Variants in BRAP observed in about 807,000 individuals in gnomAD.
BRAP encodes BRCA1 associated protein.
In BRAP, 42 loss-of-function variants were observed where a neutral mutation model predicts 73.4. That is an observed-to-expected ratio of 0.57 (90% CI 0.45 to 0.74). The LOEUF is 0.74. Among genes scored for constraint, BRAP ranks in the 30% least tolerant of loss-of-function variants. BRAP has a pLI of 0.00. For synonymous variants in BRAP, 255 were observed against 267.4 expected, an observed-to-expected ratio of 0.95 and a Z score of 0.45; for missense variants, 593 against 751.4, an observed-to-expected ratio of 0.79 and a Z score of 2.46.
intron 10 of BRAP, among the ~76,000 whole-genome samples, chr12:111,651,773 G>A (rs998106102): frequency 6.6e-6 from 1 of 150,814 alleles, no homozygotes; most frequent in East Asian, 2.0e-4. Flanking sequence ...GAGCAGCTGG[G>A]ACTACAGGTG....
chr12:111,666,325 A>G (rs1340132020), intron 5 of BRAP, among the ~76,000 whole-genome samples: 1 of 152,248 alleles, frequency 6.6e-6, no homozygotes, highest in East Asian at 1.9e-4. Context: ...CGACTATAAT[A>G]GAACACAAAG....
intron 4 of BRAP, among the ~76,000 whole-genome samples, chr12:111,678,633 G>C (rs535355350): frequency 3.0e-4 from 46 of 151,812 alleles, no homozygotes; most frequent in Non-Finnish European, 6.6e-4. Context: ...CTCCAGCCTG[G>C]GCGACAGAGC....
In BRAP at chr12:111,659,075, GGAAACT is replaced by G. The variant is rs540191620; in HGVS notation, c.1111+126_1111+131del. ...ATTCCTAGAAAAATAGTGCCCTCAG[GGAAACT>G]GAGAATTTGGGTTTGCAACAGCTGT... On this transcript the variant is annotated intron_variant, in intron 8 of 11. Coordinates refer to ENST00000419234, the MANE Select transcript of BRAP (RefSeq NM_006768.5). 720 of 1,153,918 alleles carry G rather than the reference GGAAACT, an allele frequency of 6.2e-4. 1 individual carries two copies. The highest frequency in any genetic ancestry group is 8.1e-4 in the Non-Finnish European group (670 of 824,706). The allele number at this position is 1,153,918 out of a possible 1,614,324, so 71.5% of individuals were successfully genotyped here. A position where few individuals can be genotyped will look rare whatever the true frequency, so the allele number is the denominator to read the frequency against.
chr12:111,670,569 C>G (rs896427156), intron 5 of BRAP, among the ~76,000 whole-genome samples: 1 of 152,212 alleles, frequency 6.6e-6, no homozygotes, highest in Non-Finnish European at 1.5e-5. Context: ...TCTCAGCTCA[C>G]TGCAACCTCG....
intron 8 of BRAP, 70 bp from the exon 9 acceptor site, chr12:111,658,915 CA>C: frequency 8.0e-7 from 1 of 1,253,352 alleles, no homozygotes; most frequent in Non-Finnish European, 1.1e-6. Context: ...TTAACTCTGA[CA>C]AAATTTTTTT....
intron 11 of BRAP, 133 bp from the exon 12 acceptor site, chr12:111,644,695 G>A (rs1486035860): frequency 2.2e-6 from 3 of 1,378,396 alleles, no homozygotes; most frequent in Non-Finnish European, 2.9e-6. Flanking sequence ...CCATCGTGAG[G>A]GAGAATGGTT....
Position 111,667,698 on chromosome 12 carries a change from C to CAAAAAAAAAAA in BRAP, c.748-1922_748-1912dup, listed in dbSNP as rs565349424. Among the ~76,000 whole-genome samples, 7 of 21,288 alleles carry CAAAAAAAAAAA rather than the reference C, an allele frequency of 3.3e-4. 1 individual carries two copies. Among genetic ancestry groups the CAAAAAAAAAAA allele is most frequent in the South Asian group, 6.8e-3 (2 of 296 alleles). The allele number at this position is 21,288 out of a possible 152,430, so 14.0% of individuals were successfully genotyped here. A position where few individuals can be genotyped will look rare whatever the true frequency, so the allele number is the denominator to read the frequency against. On this transcript the variant is annotated intron_variant, in intron 5 of 11. Transcript: ENST00000419234. ...TGGGAGACAGAGTGAAACTCCGTCTCAAAAAAAAAAAAAAAAAAAAAAAGC... is the reference window on the plus strand; with the variant it reads ...TGGGAGACAGAGTGAAACTCCGTCTCAAAAAAAAAAAAAAAAAAAAAAAAAAAAAAAAAAGC...
At chr12:111,647,647 T>C (rs1886156575) in intron 11 of BRAP, among the ~76,000 whole-genome samples, 1 of 152,168 alleles carries the variant, frequency 6.6e-6, no homozygotes, top group Non-Finnish European at 1.5e-5. Flanking sequence ...GGCTCACGCC[T>C]GTAAAACCAG....
In BRAP at chr12:111,643,840, TA is replaced by T; in HGVS notation, c.*358del. On this transcript the variant is annotated 3_prime_UTR_variant, in exon 12 of 12. Coordinates refer to ENST00000419234, the MANE Select transcript of BRAP (RefSeq NM_006768.5). ...ACCTTACCTTTGAGGTTACAAGAAA[TA>T]ACTTAACATCTTAAACCTACCCCAG... 1 of 214,214 alleles carries T rather than the reference TA, an allele frequency of 4.7e-6. No homozygotes were observed. Among genetic ancestry groups the T allele is most frequent in the Non-Finnish European group, 9.4e-6 (1 of 106,846 alleles). The allele number at this position is 214,214 out of a possible 1,614,324, so 13.3% of individuals were successfully genotyped here. A position where few individuals can be genotyped will look rare whatever the true frequency, so the allele number is the denominator to read the frequency against.
chr12:111,681,234 G>A (rs1318176461), intron 3 of BRAP, among the ~76,000 whole-genome samples: 30 of 152,182 alleles, frequency 2.0e-4, no homozygotes, highest in Non-Finnish European at 2.2e-4. Context: ...GCTAGGTGTG[G>A]TGGTGGGCAC....
At chr12:111,669,684 C>A (rs1451815525) in intron 5 of BRAP, among the ~76,000 whole-genome samples, 1 of 151,990 alleles carries the variant, frequency 6.6e-6, no homozygotes, top group African/African-American at 2.4e-5. Context: ...ACATAAATTA[C>A]CTCTAATTTT....
chr12:111,678,388 A>G (rs561363230), intron 4 of BRAP, among the ~76,000 whole-genome samples: 1 of 149,918 alleles, frequency 6.7e-6, no homozygotes, highest in East Asian at 2.0e-4. Flanking sequence ...GCCGGGCATG[A>G]TGGCTCACGC....
Position 111,644,524 on chromosome 12 carries a change from T to C in BRAP, c.1454A>G (p.Asn485Ser), listed in dbSNP as rs1886034001. The C allele has an allele frequency of 6.2e-7, 1 of 1,614,050 alleles. No homozygotes were observed. The highest frequency in any genetic ancestry group is 1.3e-5 in the African/African-American group (1 of 75,050). ...QLNTKVAKLT[N>S]ELKEEQEMNK... is the part of the protein sequence containing the mutation. ...CATTTCCTGCTCCTCTTTGAGCTCG[T>C]TGGTGAGTTTGGCCACTTTTGTGTT... Residue 485 changes from asparagine (N) to serine (S), a missense_variant, in exon 12 of 12, where the codon AAC (asparagine) becomes AGC (serine). Asn to Ser is a conservative substitution (Grantham distance 46, BLOSUM62 1). Transcript: ENST00000419234.
At chr12:111,659,404 C>A in intron 7 of BRAP, 59 bp from the exon 8 acceptor site, 1 of 1,529,652 alleles carries the variant, frequency 6.5e-7, no homozygotes. Flanking sequence ...TGGCTGGGCG[C>A]GATGGCTCGG....
In BRAP at chr12:111,683,306, G is replaced by A. The variant is rs377363924; in HGVS notation, c.84C>T (p.Ala28=). ...VPAGFGFSAA[A]GEMSDEEIKK... is the part of the protein sequence containing the mutation. ...TTATCTCCTCATCAGACATTTCCCC[G>A]GCTAAAGAACACATGAATGATTAAT... Residue 28 remains alanine, a splice_region_variant and synonymous_variant, in exon 2 of 12, where the codon GCC becomes GCT. Coordinates refer to ENST00000419234, the MANE Select transcript of BRAP (RefSeq NM_006768.5). 6.0e-5 allele frequency: 97 copies of A among 1,607,506 alleles called. No individual in the cohort carries two copies. In the Middle Eastern group the frequency reaches 8.3e-4, roughly 14 times the overall value.
At chr12:111,666,426 C>T (rs1231660815) in intron 5 of BRAP, among the ~76,000 whole-genome samples, 1 of 152,216 alleles carries the variant, frequency 6.6e-6, no homozygotes, top group Non-Finnish European at 1.5e-5. Flanking sequence ...ACCAACAACA[C>T]TGATTTTTCT....
rs1372153332 is a variant in BRAP at position 111,681,748 on chromosome 12, A to G, written c.332T>C (p.Ile111Thr). 2 of 1,614,160 alleles carry G rather than the reference A, an allele frequency of 1.2e-6. No homozygotes were observed. Among genetic ancestry groups the G allele is most frequent in the South Asian group, 1.1e-5 (1 of 91,086 alleles). The change falls in exon 3 of 12, where the codon ATA (isoleucine) becomes ACA (threonine). Residue 111 changes from isoleucine (I) to threonine (T), a missense_variant. By Grantham distance (89) the Ile-to-Thr change is moderately conservative. Around this residue, in one of 4 missense-constraint regions of BRAP, gnomAD observed 304 missense variants for 337.7 expected, o/e 0.90. Transcript: ENST00000419234. ...QRSKDHSKEC[I>T]NAAPDSPSKQ... ...GGACGGAGAATCTGGGGCAGCGTTT[A>G]TGCATTCCTTACTGTGATCTTTACT...
chr12:111,644,728 G>A (rs573682050), intron 11 of BRAP, among the ~76,000 whole-genome samples, 166 bp from the exon 12 acceptor site: 1 of 152,252 alleles, frequency 6.6e-6, no homozygotes, highest in South Asian at 2.1e-4. Flanking sequence ...AATCAGCTAT[G>A]CAAAGCAAGA....
At chr12:111,681,352 G>A (rs111800925) in intron 3 of BRAP, among the ~76,000 whole-genome samples, 15 of 150,590 alleles carry the variant, frequency 1.0e-4, no homozygotes, top group African/African-American at 2.9e-4. Context: ...CCTGGGCAAC[G>A]AGACCGAAAC....
Sources: allele counts gnomAD v4.1 joint callset (sites outside exome capture counted in the v4.1 genomes callset), GRCh38; gene constraint gnomAD v4.1.1; regional missense constraint gnomAD v4.1.1; transcripts MANE v1.5; gene names NCBI Gene and HGNC (gene_info 2026-07-23, HGNC 2026-07-21).